ZNF30: variants seen among roughly 807,000 people sequenced by gnomAD.
The protein encoded by ZNF30 is zinc finger protein 30 (KOX 28).
In ZNF30, 15 loss-of-function variants were observed where a neutral mutation model predicts 13.2. The observed-to-expected ratio is 1.13, with a 90% CI of 0.76 to 1.75. The LOEUF (loss-of-function observed/expected upper bound fraction) is 1.75. ZNF30 is among the 40% of genes most tolerant of loss of function. The pLI, the probability that ZNF30 is intolerant of heterozygous loss-of-function variation, is 0.00. For synonymous variants in ZNF30, 223 were observed against 256.6 expected, an observed-to-expected ratio of 0.87 and a Z score of 1.25; for missense variants, 726 against 757.0, an observed-to-expected ratio of 0.96 and a Z score of 0.48.
In ZNF30 at chr19:34,931,934, C is replaced by A; in HGVS notation, c.101C>A (p.Ser34Tyr). The A allele has an allele frequency of 1.2e-6, 2 of 1,613,206 alleles. No individual in the cohort carries two copies. The highest frequency in any genetic ancestry group is 1.7e-6 in the Non-Finnish European group (2 of 1,179,680). The change falls in exon 3 of 5, where the codon TCC becomes TAC. Residue 34 changes from serine (S) to tyrosine (Y), a missense_variant. Physicochemically the swap from Ser to Tyr is moderately radical, Grantham distance 144. Coordinates refer to ENST00000601142, the MANE Select transcript of ZNF30 (RefSeq NM_194325.3). ...CAGGAGTGGGAGAGTCTGGACTCTT[C>A]CCAGAGGGGCTTGTACAGAGATGTG... The part of the protein sequence containing the change: ...SQQEWESLDS[S>Y]QRGLYRDVML...
chr19:34,930,610 G>C (rs1005222480), intron 2 of ZNF30, among the ~76,000 whole-genome samples: 5 of 152,134 alleles, frequency 3.3e-5, no homozygotes, highest in Non-Finnish European at 7.4e-5. Flanking sequence ...GTAAACCCAG[G>C]ACCTTGGGAG....
chr19:34,944,144 T>A lies in ZNF30; in HGVS notation c.1178T>A (p.Leu393His). Reference protein sequence around the residue: ...RASYLVQHGRLHTGEKPYECK... With the variant: ...RASYLVQHGRHHTGEKPYECK... ...TCATATCTTGTTCAACATGGAAGACTTCACACTGGCGAGAAGCCCTATGAA... is the reference window on the plus strand; with the variant it reads ...TCATATCTTGTTCAACATGGAAGACATCACACTGGCGAGAAGCCCTATGAA... Residue 393 changes from leucine to histidine, a missense_variant, in exon 5 of 5, where the codon CTT becomes CAT. By Grantham distance (99) the Leu-to-His change is moderately conservative. Coordinates refer to ENST00000601142, the MANE Select transcript of ZNF30 (RefSeq NM_194325.3). 2.5e-6 allele frequency: 4 copies of A among 1,613,790 alleles called. No homozygotes were observed. The highest frequency in any genetic ancestry group is 3.4e-6 in the Non-Finnish European group (4 of 1,179,748).
chr19:34,936,744 A>C (rs982961288), intron 4 of ZNF30, among the ~76,000 whole-genome samples: 1 of 152,008 alleles, frequency 6.6e-6, no homozygotes, highest in Admixed American at 6.6e-5. Context: ...TAAAATGTAC[A>C]AATTAGCTAT....
chr19:34,925,775 A>C (rs1007309460), upstream of ZNF30, among the ~76,000 whole-genome samples: 4 of 152,038 alleles, frequency 2.6e-5, no homozygotes, highest in African/African-American at 9.7e-5. Context: ...CATATCATTT[A>C]AAGGGACCCC....
chr19:34,935,333 A>G (rs1288711885), intron 4 of ZNF30, among the ~76,000 whole-genome samples: 1 of 152,158 alleles, frequency 6.6e-6, no homozygotes, highest in Non-Finnish European at 1.5e-5. Context: ...TTCAACCCAG[A>G]TTCTCCAAAT....
chr19:34,944,592 T>C lies in ZNF30; in HGVS notation c.1626T>C (p.Cys542=). The change falls in exon 5 of 5, where the codon TGT becomes TGC. Residue 542 remains cysteine (C), a synonymous_variant. Transcript: ENST00000601142. ...RIHTGEKPYE[C]NKCGKAFTVY... ...ATACTGGGGAGAAACCCTATGAATG[T>C]AACAAATGTGGGAAAGCCTTTACTG... 1 of 1,614,146 alleles carries C rather than the reference T, an allele frequency of 6.2e-7. No individual in the cohort carries two copies. The highest frequency in any genetic ancestry group is 1.1e-5 in the South Asian group (1 of 91,082).
chr19:34,932,139 C>T, intron 3 of ZNF30, 146 bp downstream of exon 3: 1 of 762,976 alleles, frequency 1.3e-6, no homozygotes, highest in Non-Finnish European at 1.9e-6. Flanking sequence ...GGAAATGATC[C>T]AGTGGCAGGA....
chr19:34,944,789 G>T lies in ZNF30; in HGVS notation c.1823G>T (p.Ser608Ile). 2 of 1,611,988 alleles carry T rather than the reference G, an allele frequency of 1.2e-6. No individual in the cohort carries two copies. The highest frequency in any genetic ancestry group is 2.7e-5 in the African/African-American group (2 of 75,002). ...CKKCGKTFRY[S>I]SALKVHLRKH... is the part of the protein sequence containing the mutation. ...AAATGTGGGAAGACCTTTAGATACA[G>T]TTCAGCCCTTAAAGTGCATCTGAGA... Residue 608 changes from serine (S) to isoleucine (I), a missense_variant, in exon 5 of 5, where the codon AGT becomes ATT. Ser to Ile is a moderately radical substitution (Grantham distance 142). Coordinates refer to ENST00000601142, the MANE Select transcript of ZNF30 (RefSeq NM_194325.3).
chr19:34,943,812 T>A lies in ZNF30; in HGVS notation c.846T>A (p.His282Gln). Residue 282 changes from histidine (H) to glutamine (Q), a missense_variant, in exon 5 of 5, where the codon CAT becomes CAA. Physicochemically the swap from His to Gln is conservative, Grantham distance 24. Transcript: ENST00000601142. ...ACCTGGTTCAACATCAGCGAATTCA[T>A]ACCAGTGAAAAACCTTACGAATGCA... ...FSYLVQHQRI[H>Q]TSEKPYECKE... 1.9e-6 allele frequency: 3 copies of A among 1,614,054 alleles called. No individual in the cohort carries two copies. The Middle Eastern group carries it at 4.9e-4, about 266-fold the overall frequency.
chr19:34,943,877 C>T lies in ZNF30; in HGVS notation c.911C>T (p.Ala304Val), dbSNP rs35929115. ...GKAFSTSSPLAKHQRIHTGEK... is the reference protein window; with the variant it reads ...GKAFSTSSPLVKHQRIHTGEK... ...GCCTTTAGCACTAGCTCACCCCTTG[C>T]TAAGCATCAGAGAATTCATACTGGC... The change falls in exon 5 of 5, where the codon GCT becomes GTT. Residue 304 changes from alanine (A) to valine (V), a missense_variant. Transcript: ENST00000601142. The T allele has an allele frequency of 6.2e-7, 1 of 1,614,074 alleles. No individual in the cohort carries two copies. The highest frequency in any genetic ancestry group is 1.1e-5 in the South Asian group (1 of 91,074).
intron 4 of ZNF30, among the ~76,000 whole-genome samples, chr19:34,940,938 A>G (rs1294141859): frequency 6.6e-6 from 1 of 152,148 alleles, no homozygotes; most frequent in African/African-American, 2.4e-5. Flanking sequence ...TAATTTCCTG[A>G]TTTCTTATGT....
chr19:34,934,687 G>A (rs1028111498), intron 4 of ZNF30, among the ~76,000 whole-genome samples: 3 of 152,118 alleles, frequency 2.0e-5, no homozygotes, highest in Non-Finnish European at 4.4e-5. Flanking sequence ...ATATTAAAAT[G>A]TACAGCTTGA....
At chr19:34,928,252 T>TATATATATATATATATATATAG (rs1325117057) in intron 1 of ZNF30, among the ~76,000 whole-genome samples, 3 of 56,576 alleles carry the variant, frequency 5.3e-5, no homozygotes, top group Non-Finnish European at 9.0e-5. Flanking sequence ...TATATATATA[T>TATATATATATATATATATATAG]ATAGATAGAT....
At chr19:34,933,796 C>A in intron 4 of ZNF30, 73 bp downstream of exon 4, 1 of 1,045,048 alleles carries the variant, frequency 9.6e-7, no homozygotes, top group Non-Finnish European at 1.4e-6. Flanking sequence ...GGAAGTGCAT[C>A]TCTGCAATGT....
In ZNF30 at chr19:34,943,306, A is replaced by G. The variant is rs934228646; in HGVS notation, c.340A>G (p.Ile114Val). ...TCCATCTTTTGCTCTACATCAGAAA[A>G]TAAGTAGACAGAAACCACGTGAATG... ...NCPSFALHQK[I>V]SRQKPRECQE... Residue 114 changes from isoleucine (I) to valine (V), a missense_variant, in exon 5 of 5, where the codon ATA becomes GTA. Ile to Val is a conservative substitution (Grantham distance 29, BLOSUM62 3). Coordinates refer to ENST00000601142, the MANE Select transcript of ZNF30 (RefSeq NM_194325.3). 2 of 1,613,968 alleles carry G rather than the reference A, an allele frequency of 1.2e-6. No individual in the cohort carries two copies. Among genetic ancestry groups the G allele is most frequent in the Non-Finnish European group, 8.5e-7 (1 of 1,179,866 alleles).
chr19:34,925,583 GACAGGATGGGGGCGGGA>G (rs1334429567), upstream of ZNF30, among the ~76,000 whole-genome samples: 3 of 152,104 alleles, frequency 2.0e-5, no homozygotes, highest in African/African-American at 7.2e-5. Flanking sequence ...TATTTATAGG[GACAGGATGGGGGCGGGA>G]ACAGGATGGG....
At chr19:34,939,548 A>T (rs2012931714) in intron 4 of ZNF30, among the ~76,000 whole-genome samples, 1 of 152,062 alleles carries the variant, frequency 6.6e-6, no homozygotes, top group South Asian at 2.1e-4. Context: ...TCCTGACCTC[A>T]ATTGATCTAC....
intron 2 of ZNF30, among the ~76,000 whole-genome samples, chr19:34,930,921 T>G (rs867095389): frequency 6.6e-5 from 10 of 152,110 alleles, no homozygotes; most frequent in Admixed American, 2.6e-4. Context: ...TGTATGACAC[T>G]ATCAGCATAT....
At chr19:34,927,323 T>G (rs2012131653) in intron 1 of ZNF30, 107 bp downstream of exon 1, 1 of 312,604 alleles carries the variant, frequency 3.2e-6, no homozygotes, top group Non-Finnish European at 5.8e-6. Flanking sequence ...GAAGACTGGG[T>G]GCATGGCCTC....
Sources: gnomAD v4.1 joint callset for allele counts (sites outside exome capture counted in the v4.1 genomes callset) on GRCh38, gnomAD v4.1.1 for gene constraint, MANE v1.5 for transcripts, NCBI Gene and HGNC (gene_info 2026-07-23, HGNC 2026-07-21) for gene names.